Variants in GALNT16 observed in about 807,000 individuals in gnomAD.
The protein encoded by GALNT16 is polypeptide N-acetylgalactosaminyltransferase 16.
Under a neutral mutation model 76.1 loss-of-function variants are expected in GALNT16, and 40 were observed. The ratio of observed to expected loss-of-function variants is 0.53; its 90% CI spans 0.41 to 0.68. The LOEUF is 0.68. Ranked by LOEUF, GALNT16 falls within the 30% of genes least tolerant of loss-of-function variation. The pLI is 0.00. For synonymous variants in GALNT16, 276 were observed against 285.2 expected (o/e 0.97, Z 0.32); for missense variants, 621 against 731.9 (o/e 0.85, Z 1.75).
chr14:69,283,002 C>A (rs1433806359), intron 1 of GALNT16, among the ~76,000 whole-genome samples: 1 of 152,104 alleles, frequency 6.6e-6, no homozygotes, highest in Admixed American at 6.6e-5. Context: ...TGCTCTCCAT[C>A]CCACCTCTTC....
At chr14:69,363,684 T>C in the GALNT16 span, among the ~76,000 whole-genome samples, 2 of 152,116 alleles carry the variant, frequency 1.3e-5, no homozygotes, top group Non-Finnish European at 2.9e-5. Flanking sequence ...TGCTAATGAA[T>C]GAATGAATGA....
chr14:69,361,596 C>T (rs192878535), downstream of GALNT16, among the ~76,000 whole-genome samples: 9 of 152,324 alleles, frequency 5.9e-5, no homozygotes, highest in East Asian at 1.7e-3. Context: ...GAGCTTTTGT[C>T]CCCACATCCC....
chr14:69,341,696 A>G lies in GALNT16; in HGVS notation c.1203A>G (p.Ile401Met). Residue 401 changes from isoleucine (I) to methionine (M), a missense_variant, in exon 12 of 15, where the codon ATA becomes ATG. By Grantham distance (10) the Ile-to-Met change is conservative. Transcript: ENST00000448469. ...CCTCCTACAGTGTGGCTACGCGGATAGAGCAGAGGAAGAAGATGAACTGCA... is the reference window on the plus strand; with the variant it reads ...CCTCCTACAGTGTGGCTACGCGGATGGAGCAGAGGAAGAAGATGAACTGCA... The part of the protein sequence containing the change: ...GKAFGSVATR[I>M]EQRKKMNCKS... 1 of 1,612,270 alleles carries G rather than the reference A, an allele frequency of 6.2e-7. No homozygotes were observed. The highest frequency in any genetic ancestry group is 8.5e-7 in the Non-Finnish European group (1 of 1,178,822).
intron 1 of GALNT16, among the ~76,000 whole-genome samples, chr14:69,298,104 A>C (rs1290142761): frequency 2.6e-5 from 4 of 152,244 alleles, no homozygotes; most frequent in Admixed American, 2.0e-4. Flanking sequence ...CTACAAGTTC[A>C]GACTAGAGAC....
intron 2 of GALNT16, among the ~76,000 whole-genome samples, chr14:69,322,923 GGGGTGT>G (rs1367677278): frequency 6.7e-5 from 7 of 105,098 alleles, no homozygotes; most frequent in African/African-American, 2.3e-4. Flanking sequence ...GGTGGCTCAC[GGGGTGT>G]GTGTGTGTGT....
At chr14:69,311,738 G>A (rs2045023541) in intron 1 of GALNT16, among the ~76,000 whole-genome samples, 2 of 152,258 alleles carry the variant, frequency 1.3e-5, no homozygotes, top group South Asian at 2.1e-4. Flanking sequence ...GTTATAAACC[G>A]ACATGCCCAG....
At chr14:69,371,112 C>T in the GALNT16 span, among the ~76,000 whole-genome samples, 13 of 152,120 alleles carry the variant, frequency 8.5e-5, no homozygotes, top group South Asian at 2.1e-4. Context: ...CAAGAAGTGC[C>T]GGAAGTTGAA....
chr14:69,294,530 A>G lies in GALNT16; in HGVS notation c.178-26181A>G, dbSNP rs563517295. ...ACTTGTACTAAATTTACACTTGTGC[A>G]ACTTACACCATAATCAAGTTTGGAA... On this transcript the variant is annotated intron_variant, in intron 1 of 14. Transcript: ENST00000448469. Among the ~76,000 whole-genome samples, 15 of 152,334 alleles carry G rather than the reference A, an allele frequency of 9.8e-5. No homozygotes were observed. The South Asian group carries it at 2.3e-3, about 23-fold the overall frequency.
At chr14:69,337,455 G>A (rs2045428908) in intron 9 of GALNT16, among the ~76,000 whole-genome samples, 1 of 152,200 alleles carries the variant, frequency 6.6e-6, no homozygotes, top group African/African-American at 2.4e-5. Context: ...TAATATTATA[G>A]ACATTATGGG....
intron 4 of GALNT16, 101 bp downstream of exon 4, chr14:69,325,505 G>C (rs941886070): frequency 3.7e-5 from 29 of 783,976 alleles, no homozygotes; most frequent in African/African-American, 6.8e-5. Flanking sequence ...GACCATCGCA[G>C]ACACCTTTCT....
chr14:69,313,981 C>A (rs1030343979), intron 1 of GALNT16, among the ~76,000 whole-genome samples: 1 of 152,210 alleles, frequency 6.6e-6, no homozygotes, highest in Admixed American at 6.5e-5. Flanking sequence ...TTGTACAAAG[C>A]AGCGGCTCTC....
At chr14:69,288,523 A>G (rs1413378689) in intron 1 of GALNT16, among the ~76,000 whole-genome samples, 1 of 152,146 alleles carries the variant, frequency 6.6e-6, no homozygotes, top group African/African-American at 2.4e-5. Flanking sequence ...TGCTTTCCCA[A>G]CACCCAGCAG....
intron 1 of GALNT16, among the ~76,000 whole-genome samples, chr14:69,312,007 C>A (rs945455679): frequency 1.1e-4 from 16 of 151,116 alleles, no homozygotes; most frequent in African/African-American, 3.4e-4. Context: ...ATTTGAGACC[C>A]GCCTAGCGTA....
chr14:69,326,869 A>G (rs1376110705), intron 5 of GALNT16, among the ~76,000 whole-genome samples: 1 of 152,188 alleles, frequency 6.6e-6, no homozygotes, highest in Non-Finnish European at 1.5e-5. Flanking sequence ...TAGAGCAGCC[A>G]TGGCTCCAAC....
At chr14:69,302,263 ATCT>A (rs1016717584) in intron 1 of GALNT16, among the ~76,000 whole-genome samples, 25 of 152,206 alleles carry the variant, frequency 1.6e-4, no homozygotes, top group African/African-American at 5.5e-4. Context: ...CTTGAAAAAA[ATCT>A]TCTGGAAATC....
chr14:69,370,141 C>T, the GALNT16 span, among the ~76,000 whole-genome samples: 364 of 152,278 alleles, frequency 2.4e-3, 3 homozygotes, highest in African/African-American at 8.5e-3. Flanking sequence ...CCTGGGCGAG[C>T]TCATTAGCAT....
chr14:69,291,110 G>GT (rs2044682469), intron 1 of GALNT16, among the ~76,000 whole-genome samples: 1 of 152,132 alleles, frequency 6.6e-6, no homozygotes, highest in African/African-American at 2.4e-5. Flanking sequence ...GGGCAACATA[G>GT]TAAAACCCTG....
At chr14:69,365,685 C>G in the GALNT16 span, among the ~76,000 whole-genome samples, 2 of 152,074 alleles carry the variant, frequency 1.3e-5, no homozygotes, top group African/African-American at 4.8e-5. Context: ...GGGCTTAATA[C>G]CTAGGTGATG....
intron 1 of GALNT16, among the ~76,000 whole-genome samples, chr14:69,316,773 G>GT (rs1372637895): frequency 2.1e-5 from 2 of 94,878 alleles, no homozygotes; most frequent in Non-Finnish European, 4.2e-5. Flanking sequence ...CTTGTAGTCT[G>GT]TGAGGGGGGG....
Sources: gnomAD v4.1 joint callset for allele counts (sites outside exome capture counted in the v4.1 genomes callset) on GRCh38, gnomAD v4.1.1 for gene constraint, MANE v1.5 for transcripts, NCBI Gene and HGNC (gene_info 2026-07-23, HGNC 2026-07-21) for gene names.